Variants in NCKAP5 observed in about 807,000 individuals in gnomAD.
The protein encoded by NCKAP5 is nck-associated protein 5.
A neutral mutation model predicts 167.0 loss-of-function variants in NCKAP5; 92 were observed. The observed-to-expected ratio is 0.55, with a 90% CI of 0.47 to 0.66. The LOEUF (loss-of-function observed/expected upper bound fraction) is 0.66. Ranked by LOEUF, NCKAP5 falls within the 30% of genes least tolerant of loss-of-function variation. The pLI is 0.00. For missense variants in NCKAP5, 2,378 were observed against 2,315.0 expected (o/e 1.03, Z -0.56); for synonymous variants, 891 against 877.4 (o/e 1.02, Z -0.27).
At chr2:133,642,610 C>A in the NCKAP5 span, among the ~76,000 whole-genome samples, 1 of 152,118 alleles carries the variant, frequency 6.6e-6, no homozygotes, top group African/African-American at 2.4e-5. Context: ...TAGAGTGAGA[C>A]GAACATGTTT....
intron 3 of NCKAP5, among the ~76,000 whole-genome samples, chr2:133,361,135 TGA>T (rs1342679067): frequency 6.6e-6 from 1 of 151,846 alleles, no homozygotes; most frequent in Non-Finnish European, 1.5e-5. Context: ...GCATCAGAGA[TGA>T]GAGGAGGAGC....
chr2:133,086,774 C>T (rs1161287493), intron 6 of NCKAP5, among the ~76,000 whole-genome samples: 1 of 152,030 alleles, frequency 6.6e-6, no homozygotes, highest in Non-Finnish European at 1.5e-5. Context: ...ATGTGTGTAT[C>T]AGCCTGGGAA....
At chr2:133,410,156 T>C (rs1038012516) in intron 3 of NCKAP5, among the ~76,000 whole-genome samples, 1 of 152,234 alleles carries the variant, frequency 6.6e-6, no homozygotes, top group African/African-American at 2.4e-5. Context: ...TGAAGTAGAA[T>C]GGGAAGAATT....
intron 19 of NCKAP5, among the ~76,000 whole-genome samples, chr2:132,677,213 AT>A (rs994008147): frequency 6.6e-6 from 1 of 151,266 alleles, no homozygotes; most frequent in Non-Finnish European, 1.5e-5. Flanking sequence ...TTTTTGGTGG[AT>A]TTTTTTTTCA....
intron 19 of NCKAP5, among the ~76,000 whole-genome samples, chr2:132,697,512 A>T (rs942807689): frequency 6.6e-6 from 1 of 152,240 alleles, no homozygotes; most frequent in African/African-American, 2.4e-5. Context: ...CTTGGGGAAC[A>T]TTAACATAAA....
chr2:133,443,500 G>C (rs546817119), intron 3 of NCKAP5, among the ~76,000 whole-genome samples: 1 of 152,246 alleles, frequency 6.6e-6, no homozygotes, highest in Admixed American at 6.5e-5. Flanking sequence ...GTTTCACTGA[G>C]ATGCTCCTCC....
chr2:133,525,499 C>T (rs1220610816), intron 2 of NCKAP5, among the ~76,000 whole-genome samples: 1 of 152,088 alleles, frequency 6.6e-6, no homozygotes, highest in East Asian at 1.9e-4. Context: ...ACATGCAGCT[C>T]AGTGAACTGG....
At chr2:133,458,380 G>A (rs1270404475) in intron 3 of NCKAP5, among the ~76,000 whole-genome samples, 1 of 152,114 alleles carries the variant, frequency 6.6e-6, no homozygotes, top group Non-Finnish European at 1.5e-5. Flanking sequence ...CATATCCTAA[G>A]CATCAAGTGC....
chr2:133,160,436 TTTC>T (rs1288502688), intron 5 of NCKAP5, among the ~76,000 whole-genome samples: 6 of 111,956 alleles, frequency 5.4e-5, no homozygotes, highest in South Asian at 3.0e-4. Context: ...TTCCTTTCTT[TTTC>T]TTTTTTTTTT....
At chr2:133,419,315 C>A (rs1365721272) in intron 3 of NCKAP5, among the ~76,000 whole-genome samples, 1 of 152,200 alleles carries the variant, frequency 6.6e-6, no homozygotes. Flanking sequence ...GTCCCCAAAT[C>A]TTGTGGTTGC....
At chr2:133,450,706 A>C (rs937651416) in intron 3 of NCKAP5, among the ~76,000 whole-genome samples, 5 of 152,156 alleles carry the variant, frequency 3.3e-5, no homozygotes, top group Non-Finnish European at 5.9e-5. Context: ...TCAACCAAAA[A>C]CTTGAATAGC....
chr2:132,691,500 A>G lies in NCKAP5; in HGVS notation c.5714-18195T>C, dbSNP rs139488397. On this transcript the variant is annotated intron_variant, in intron 19 of 19. Coordinates refer to ENST00000409261, the MANE Select transcript of NCKAP5 (RefSeq NM_207363.3). Reference sequence around the variant, plus strand: ...CATACCCCTCCTTCAGGGCCTTTGCACTTGCTATACCCGCTACCTAACATG... The same window carrying G: ...CATACCCCTCCTTCAGGGCCTTTGCGCTTGCTATACCCGCTACCTAACATG... 3.2e-3 allele frequency among the ~76,000 whole-genome samples: 480 copies of G among 152,152 alleles called. 1 individual carries two copies. The highest frequency in any genetic ancestry group is 0.011 in the African/African-American group (463 of 41,516).
chr2:133,661,912 A>G, the NCKAP5 span, among the ~76,000 whole-genome samples: 5 of 152,148 alleles, frequency 3.3e-5, no homozygotes, highest in Non-Finnish European at 7.4e-5. Context: ...ATAGATAAAC[A>G]TCTGGACATG....
chr2:132,683,745 G>T (rs1685569366), intron 19 of NCKAP5, among the ~76,000 whole-genome samples: 1 of 152,138 alleles, frequency 6.6e-6, no homozygotes, highest in Non-Finnish European at 1.5e-5. Flanking sequence ...CCAAGTCCAG[G>T]CAATTTGCTC....
intron 7 of NCKAP5, among the ~76,000 whole-genome samples, chr2:132,987,748 G>T (rs2077329658): frequency 1.3e-5 from 2 of 152,148 alleles, no homozygotes; most frequent in African/African-American, 4.8e-5. Flanking sequence ...ACCTCTCTAT[G>T]CTCTCCACTG....
the NCKAP5 span, among the ~76,000 whole-genome samples, chr2:133,606,356 A>T: frequency 6.6e-6 from 1 of 152,236 alleles, no homozygotes; most frequent in African/African-American, 2.4e-5. Context: ...CCTGTTGACC[A>T]CAAAGAACTT....
intron 6 of NCKAP5, among the ~76,000 whole-genome samples, chr2:133,034,905 T>C (rs987839042): frequency 2.6e-5 from 4 of 151,904 alleles, no homozygotes; most frequent in African/African-American, 7.2e-5. Context: ...GCAGGCAAAG[T>C]CCTTACTTGT....
chr2:133,355,406 C>A (rs1684642183), intron 3 of NCKAP5, among the ~76,000 whole-genome samples: 1 of 152,156 alleles, frequency 6.6e-6, no homozygotes, highest in Non-Finnish European at 1.5e-5. Flanking sequence ...TATCAGCAAA[C>A]AGAACTTCTC....
chr2:133,479,981 G>A lies in NCKAP5; in HGVS notation c.69+37477C>T, dbSNP rs554167125. ...GAGTCCCACTCTGTCACCCAGGCTG[G>A]AATACAGTGGCATGATCTCTGCTCA... is the stretch of plus-strand genomic sequence containing the variant. On this transcript the variant is annotated intron_variant, in intron 3 of 19. Transcript: ENST00000409261. Among the ~76,000 whole-genome samples, 23 of 150,194 alleles carry A rather than the reference G, an allele frequency of 1.5e-4. No homozygotes were observed. In the Middle Eastern group the frequency reaches 0.014, roughly 90 times the overall value.
Sources: gnomAD v4.1 joint callset for allele counts (sites outside exome capture counted in the v4.1 genomes callset) on GRCh38, gnomAD v4.1.1 for gene constraint, MANE v1.5 for transcripts, NCBI Gene and HGNC (gene_info 2026-07-23, HGNC 2026-07-21) for gene names.